The following PADI2 variants were observed in gnomAD, a reference collection of about 807,000 sequenced individuals.
PADI2 encodes protein-arginine deiminase type-2.
In PADI2, 70 loss-of-function variants were observed where a neutral mutation model predicts 81.1. That is an observed-to-expected ratio of 0.86 (90% CI 0.71 to 1.05). The LOEUF is 1.05. Among genes scored for constraint, PADI2 ranks in the 50% least tolerant of loss-of-function variants. PADI2 has a pLI of 0.00. For synonymous variants in PADI2, 338 were observed against 358.0 expected (o/e 0.94, Z 0.63); for missense variants, 853 against 889.9 (o/e 0.96, Z 0.53).
Position 17,071,455 on chromosome 1 carries a change from T to A in PADI2, c.1586A>T (p.Asn529Ile), listed in dbSNP as rs1390137346. Residue 529 changes from asparagine (N) to isoleucine (I), a missense_variant, in exon 14 of 16, where the codon AAC (asparagine) becomes ATC (isoleucine). By Grantham distance (149) the Asn-to-Ile change is moderately radical. Coordinates refer to ENST00000375486, the MANE Select transcript of PADI2 (RefSeq NM_007365.3). ...GGMSSKRITI[N>I]KILSNESLVQ... ...AAGGCTCTCGTTGGACAGAATCTTG[T>A]TGATGGTGATTCGCTTGCTGCTCAT... 1 of 1,614,168 alleles carries A rather than the reference T, an allele frequency of 6.2e-7. No homozygotes were observed. The highest frequency in any genetic ancestry group is 1.1e-5 in the South Asian group (1 of 91,086).
intron 7 of PADI2, among the ~76,000 whole-genome samples, chr1:17,085,107 T>C (rs1490585116): frequency 6.6e-6 from 1 of 152,248 alleles, no homozygotes. Context: ...ACGCAACAGC[T>C]GAGCCAGCCC....
At position 17,092,404 on chromosome 1, in the gene PADI2, T is replaced by G. The variant is rs745437580; in HGVS notation, c.655+4A>C. 6.3e-7 allele frequency: 1 copy of G among 1,599,728 alleles called. No individual in the cohort carries two copies. Among genetic ancestry groups the G allele is most frequent in the South Asian group, 1.1e-5 (1 of 89,536 alleles). On this transcript the variant is annotated splice_donor_region_variant and intron_variant, in intron 6 of 15. Transcript: ENST00000375486. The stretch of plus-strand genomic sequence containing the variant: ...CTAGGCTGGACTGGGCTGGGATCAC[T>G]CACTCTCCACGTAGAACACGCCCAC...
At chr1:17,104,412 CT>C (rs1301074790) in intron 2 of PADI2, among the ~76,000 whole-genome samples, 1 of 145,664 alleles carries the variant, frequency 6.9e-6, no homozygotes, top group Non-Finnish European at 1.5e-5. Flanking sequence ...TTAATTTCAC[CT>C]GTTTCTTTTT....
intron 1 of PADI2, among the ~76,000 whole-genome samples, chr1:17,108,105 T>C (rs1396759480): frequency 1.3e-5 from 2 of 152,046 alleles, no homozygotes; most frequent in Admixed American, 6.5e-5. Context: ...CCCGCCACCA[T>C]GCCCGGCTAA....
chr1:17,096,484 C>T (rs757931266), intron 3 of PADI2, among the ~76,000 whole-genome samples: 11 of 152,284 alleles, frequency 7.2e-5, no homozygotes, highest in Non-Finnish European at 1.0e-4. Context: ...GTCTCTTTCT[C>T]TCCCAGAACT....
chr1:17,074,455 G>A (rs1194279075), intron 13 of PADI2, among the ~76,000 whole-genome samples: 5 of 151,362 alleles, frequency 3.3e-5, no homozygotes, highest in African/African-American at 9.7e-5. Context: ...GATTGGTCTC[G>A]AACTCCTGGA....
intron 9 of PADI2, 109 bp downstream of exon 9, chr1:17,083,617 G>T: frequency 1.4e-6 from 1 of 721,096 alleles, no homozygotes. Flanking sequence ...GCTGACAGAA[G>T]AATCCCCATC....
At chr1:17,098,454 G>A (rs1413165948) in intron 3 of PADI2, among the ~76,000 whole-genome samples, 1 of 152,216 alleles carries the variant, frequency 6.6e-6, no homozygotes, top group East Asian at 1.9e-4. Context: ...TTTTATTCAT[G>A]TAATATTTGG....
chr1:17,075,923 A>C, intron 11 of PADI2, 100 bp from the exon 12 acceptor site: 1 of 1,126,430 alleles, frequency 8.9e-7, no homozygotes, highest in Non-Finnish European at 1.3e-6. Context: ...ACCCAGAGTG[A>C]CATCAGCAGA....
chr1:17,096,530 G>A (rs1930939526), intron 3 of PADI2, among the ~76,000 whole-genome samples: 1 of 152,224 alleles, frequency 6.6e-6, no homozygotes, highest in African/African-American at 2.4e-5. Flanking sequence ...AGGACTGAGG[G>A]TTTTACTGTG....
intron 1 of PADI2, among the ~76,000 whole-genome samples, chr1:17,109,249 G>A (rs553373178): frequency 7.3e-5 from 11 of 151,688 alleles, no homozygotes; most frequent in East Asian, 3.9e-4. Flanking sequence ...TTAGCCGAGC[G>A]TAGTGGCGTG....
chr1:17,093,636 T>G lies in PADI2; in HGVS notation c.460A>C (p.Asn154His). The G allele has an allele frequency of 6.2e-7, 1 of 1,614,036 alleles. No individual in the cohort carries two copies. Among genetic ancestry groups the G allele is most frequent in the Non-Finnish European group, 8.5e-7 (1 of 1,179,948 alleles). The change falls in exon 5 of 16, where the codon AAC (asparagine) becomes CAC (histidine). Residue 154 changes from asparagine to histidine, a missense_variant. By Grantham distance (68) the Asn-to-His change is moderately conservative (BLOSUM62 1). Transcript: ENST00000375486. ...AACCAGGGTGTCTCTCGGTCACAGTTCACCAGCAGGATGGCCCCCTGGCCC... is the reference window on the plus strand; with the variant it reads ...AACCAGGGTGTCTCTCGGTCACAGTGCACCAGCAGGATGGCCCCCTGGCCC... ...PEGQGAILLV[N>H]CDRETPWLPK...
At chr1:17,104,148 A>G (rs1931254780) in intron 2 of PADI2, among the ~76,000 whole-genome samples, 1 of 147,350 alleles carries the variant, frequency 6.8e-6, no homozygotes, top group Non-Finnish European at 1.5e-5. Context: ...AAAATTAGCT[A>G]GGCATAGGGC....
intron 2 of PADI2, among the ~76,000 whole-genome samples, chr1:17,103,706 A>G (rs1931233632): frequency 1.3e-5 from 2 of 151,580 alleles, no homozygotes; most frequent in Non-Finnish European, 2.9e-5. Context: ...AAATGCGGCT[A>G]TTCTGAACGG....
chr1:17,117,213 G>C (rs926961762), intron 1 of PADI2, among the ~76,000 whole-genome samples: 1 of 152,214 alleles, frequency 6.6e-6, no homozygotes, highest in African/African-American at 2.4e-5. Context: ...TCTACGCTGA[G>C]ATGTGCTGAA....
chr1:17,108,488 AC>A (rs3215573), intron 1 of PADI2, among the ~76,000 whole-genome samples: 2,755 of 152,080 alleles, frequency 0.018, 59 homozygotes, highest in East Asian at 0.079. Flanking sequence ...GCCACGTGGT[AC>A]CTGCCCTCCT....
At chr1:17,085,544 A>G (rs940268838) in intron 7 of PADI2, among the ~76,000 whole-genome samples, 1 of 152,180 alleles carries the variant, frequency 6.6e-6, no homozygotes, top group Non-Finnish European at 1.5e-5. Context: ...GTAGAACTTC[A>G]CAAGTTTGGA....
intron 3 of PADI2, 52 bp from the exon 4 acceptor site, chr1:17,096,022 CAGGGGCAAGAGGAAGA>C: frequency 6.9e-7 from 1 of 1,444,032 alleles, no homozygotes; most frequent in Non-Finnish European, 9.6e-7. Flanking sequence ...CAGGGCAGGG[CAGGGGCAAGAGGAAGA>C]CCTGTGGGAT....
chr1:17,096,163 A>G (rs1050413595), intron 3 of PADI2, among the ~76,000 whole-genome samples, 193 bp from the exon 4 acceptor site: 2 of 152,204 alleles, frequency 1.3e-5, no homozygotes, highest in Non-Finnish European at 2.9e-5. Context: ...GTCAGCAGAC[A>G]CCGTGTGGAC....
Sources: gnomAD v4.1 joint callset for allele counts (sites outside exome capture counted in the v4.1 genomes callset) on GRCh38, gnomAD v4.1.1 for gene constraint, MANE v1.5 for transcripts, NCBI Gene and HGNC (gene_info 2026-07-23, HGNC 2026-07-21) for gene names.